APBB2: variants seen among roughly 807,000 people sequenced by gnomAD.
APBB2 encodes the protein Fe65-like 1.
APBB2 carries 38 observed loss-of-function variants against 82.5 expected under a neutral mutation model. The ratio of observed to expected loss-of-function variants is 0.46; its 90% CI spans 0.36 to 0.60. The LOEUF is 0.60. Ranked by LOEUF, APBB2 falls within the 20% of genes least tolerant of loss-of-function variation. The probability of loss-of-function intolerance (pLI) is 0.00; values close to 1 mark genes in which losing one functional copy is unlikely to be tolerated. For synonymous variants in APBB2, 341 were observed against 368.2 expected (o/e 0.93, Z 0.85); for missense variants, 772 against 972.3 (o/e 0.79, Z 2.74).
chr4:40,957,556 G>T (rs1420075828), intron 6 of APBB2, among the ~76,000 whole-genome samples: 1 of 151,322 alleles, frequency 6.6e-6, no homozygotes, highest in Non-Finnish European at 1.5e-5. Flanking sequence ...ATTCTTGATG[G>T]GGGACTGCTT....
chr4:40,881,530 T>TTTTA, intron 12 of APBB2: 2 of 208,002 alleles, frequency 9.6e-6, no homozygotes, highest in Non-Finnish European at 1.5e-5. Flanking sequence ...TTTCTTTTCT[T>TTTTA]TTTCTTTTTT....
At chr4:41,143,727 G>A (rs891770936) in intron 1 of APBB2, among the ~76,000 whole-genome samples, 8 of 152,194 alleles carry the variant, frequency 5.3e-5, no homozygotes, top group African/African-American at 1.9e-4. Context: ...AATATGAATG[G>A]TGTAATAGAA....
At chr4:40,911,312 T>C (rs946653647) in intron 10 of APBB2, among the ~76,000 whole-genome samples, 1 of 152,138 alleles carries the variant, frequency 6.6e-6, no homozygotes, top group Non-Finnish European at 1.5e-5. Flanking sequence ...CCTCCGCATG[T>C]ACTGGGGGAT....
At chr4:41,063,271 T>C (rs1480912949) in intron 4 of APBB2, among the ~76,000 whole-genome samples, 2 of 152,204 alleles carry the variant, frequency 1.3e-5, no homozygotes, top group Admixed American at 1.3e-4. Context: ...AAAAAGAGAT[T>C]ATGTAGGTGC....
intron 6 of APBB2, among the ~76,000 whole-genome samples, chr4:40,985,480 A>G (rs1579002789): frequency 6.6e-6 from 1 of 152,344 alleles, no homozygotes; most frequent in Middle Eastern, 3.4e-3. Context: ...CTAAGTATGC[A>G]GCAACAGAGA....
intron 4 of APBB2, among the ~76,000 whole-genome samples, chr4:41,041,545 T>C (rs1327208180): frequency 6.6e-6 from 1 of 152,262 alleles, no homozygotes. Flanking sequence ...GGTCACTGCA[T>C]ACCTGCTGTT....
At chr4:40,862,856 C>CA (rs34255688) in intron 12 of APBB2, among the ~76,000 whole-genome samples, 1,475 of 118,548 alleles carry the variant, frequency 0.012, 16 homozygotes, top group Non-Finnish European at 0.017. Flanking sequence ...GACTCCATCT[C>CA]AAAAAAAAAA....
chr4:40,940,927 A>G (rs1786727396), intron 7 of APBB2, among the ~76,000 whole-genome samples: 1 of 152,258 alleles, frequency 6.6e-6, no homozygotes, highest in African/African-American at 2.4e-5. Context: ...GAGGAGCACC[A>G]CGTGCTAAAT....
At chr4:40,963,648 A>G (rs959191100) in intron 6 of APBB2, among the ~76,000 whole-genome samples, 2 of 152,260 alleles carry the variant, frequency 1.3e-5, no homozygotes. Flanking sequence ...CAGAAGTGGG[A>G]ATAGAGAAAC....
At chr4:40,921,525 C>T (rs995626934) in intron 10 of APBB2, among the ~76,000 whole-genome samples, 1 of 152,222 alleles carries the variant, frequency 6.6e-6, no homozygotes, top group African/African-American at 2.4e-5. Context: ...AAGGTCGACA[C>T]TGGATGCCCA....
intron 6 of APBB2, among the ~76,000 whole-genome samples, chr4:41,007,511 C>T (rs1231664235): frequency 6.6e-6 from 1 of 152,164 alleles, no homozygotes; most frequent in Non-Finnish European, 1.5e-5. Flanking sequence ...TTCCTTGGCA[C>T]TGGCCCTCCC....
At chr4:41,165,380 A>G (rs1346860382) in intron 1 of APBB2, among the ~76,000 whole-genome samples, 2 of 152,196 alleles carry the variant, frequency 1.3e-5, no homozygotes, top group Non-Finnish European at 2.9e-5. Flanking sequence ...AGAAGGGCTC[A>G]GTACCACAAG....
chr4:41,209,739 G>A (rs1778865490), intron 1 of APBB2, among the ~76,000 whole-genome samples: 2 of 152,186 alleles, frequency 1.3e-5, no homozygotes, highest in African/African-American at 4.8e-5. Context: ...TACCTTATCT[G>A]CTAACTAGAC....
At chr4:41,031,518 T>C (rs1716805097) in intron 5 of APBB2, among the ~76,000 whole-genome samples, 1 of 151,794 alleles carries the variant, frequency 6.6e-6, no homozygotes, top group Admixed American at 6.5e-5. Context: ...GCTAGATAAC[T>C]GTTCCAGTAT....
chr4:40,907,598 T>C (rs1777365225), intron 10 of APBB2, among the ~76,000 whole-genome samples: 1 of 150,994 alleles, frequency 6.6e-6, no homozygotes, highest in Admixed American at 6.6e-5. Flanking sequence ...CTTGAATTCC[T>C]GACCTCAGGT....
At chr4:41,112,242 C>A (rs1016731705) in intron 2 of APBB2, among the ~76,000 whole-genome samples, 4 of 152,238 alleles carry the variant, frequency 2.6e-5, no homozygotes, top group Admixed American at 2.0e-4. Context: ...AAGCACCCGA[C>A]CTCTCTTCAG....
chr4:40,919,903 T>C (rs1188026508), intron 10 of APBB2, among the ~76,000 whole-genome samples: 1 of 152,178 alleles, frequency 6.6e-6, no homozygotes, highest in East Asian at 1.9e-4. Context: ...ACACGGCTCA[T>C]TGCTGACAGT....
chr4:41,002,933 A>AT (rs1193608124), intron 6 of APBB2, among the ~76,000 whole-genome samples: 2 of 152,170 alleles, frequency 1.3e-5, no homozygotes, highest in Non-Finnish European at 2.9e-5. Flanking sequence ...TAAGAAATAA[A>AT]TGTCTCTTGA....
At chr4:41,015,813 A>C (rs938209501) in intron 5 of APBB2, among the ~76,000 whole-genome samples, 4 of 152,106 alleles carry the variant, frequency 2.6e-5, no homozygotes, top group Non-Finnish European at 5.9e-5. Flanking sequence ...CTTAGGCCTC[A>C]TTTTACAGAA....
Sources: gnomAD v4.1 joint callset for allele counts (sites outside exome capture counted in the v4.1 genomes callset) on GRCh38, gnomAD v4.1.1 for gene constraint, MANE v1.5 for transcripts, NCBI Gene and HGNC (gene_info 2026-07-23, HGNC 2026-07-21) for gene names.